TSHZ2: variants seen among roughly 807,000 people sequenced by gnomAD.
TSHZ2 encodes the protein teashirt zinc finger homeobox 2.
TSHZ2 carries 21 observed loss-of-function variants against 74.4 expected under a neutral mutation model. The ratio of observed to expected loss-of-function variants is 0.28; its 90% CI spans 0.20 to 0.41. TSHZ2 has a LOEUF of 0.41. Ranked by LOEUF, TSHZ2 falls within the 10% of genes least tolerant of loss-of-function variation. TSHZ2 has a pLI of 1.00. For missense variants in TSHZ2, 1,244 were observed against 1,293.5 expected, an observed-to-expected ratio of 0.96 and a Z score of 0.59; for synonymous variants, 540 against 515.3, an observed-to-expected ratio of 1.05 and a Z score of -0.65.
At chr20:53,227,412 T>G (rs952578257) in intron 1 of TSHZ2, among the ~76,000 whole-genome samples, 11 of 151,946 alleles carry the variant, frequency 7.2e-5, no homozygotes, top group African/African-American at 2.2e-4. Context: ...TATTTTATGT[T>G]TCTTTTCATA....
At chr20:53,294,636 A>T (rs2145466701) in intron 2 of TSHZ2, among the ~76,000 whole-genome samples, 1 of 152,272 alleles carries the variant, frequency 6.6e-6, no homozygotes, top group East Asian at 1.9e-4. Context: ...AGCTCCTGAT[A>T]CTTAAATAAT....
chr20:53,413,108 T>G (rs1025762388), intron 2 of TSHZ2, among the ~76,000 whole-genome samples: 2 of 152,126 alleles, frequency 1.3e-5, no homozygotes, highest in Non-Finnish European at 2.9e-5. Flanking sequence ...CAGCTGATCA[T>G]GCACGATGTC....
chr20:53,084,540 G>T (rs567503915), intron 1 of TSHZ2, among the ~76,000 whole-genome samples: 4 of 152,252 alleles, frequency 2.6e-5, no homozygotes, highest in South Asian at 2.1e-4. Context: ...GGGAATTTTT[G>T]AGCAAGATTG....
chr20:53,468,273 G>T (rs1985621440), intron 2 of TSHZ2, among the ~76,000 whole-genome samples: 1 of 152,146 alleles, frequency 6.6e-6, no homozygotes, highest in South Asian at 2.1e-4. Context: ...ATCATTAGTT[G>T]TCAGGAGATT....
chr20:53,195,636 C>A (rs2123557596), intron 1 of TSHZ2, among the ~76,000 whole-genome samples: 1 of 152,282 alleles, frequency 6.6e-6, no homozygotes, highest in South Asian at 2.1e-4. Flanking sequence ...GGACAGTGAC[C>A]CTGACGGGTC....
rs767394492 is a variant in TSHZ2, at chr20:53,255,073, A to G, written c.1615A>G (p.Ser539Gly). 1 of 1,614,172 alleles carries G rather than the reference A, an allele frequency of 6.2e-7. No homozygotes were observed. Among genetic ancestry groups the G allele is most frequent in the Admixed American group, 1.7e-5 (1 of 60,030 alleles). Residue 539 changes from serine (S) to glycine (G), a missense_variant, in exon 2 of 3, where the codon AGT becomes GGT. Ser to Gly is a moderately conservative substitution (Grantham distance 56). This residue lies in a region of TSHZ2 where 562 missense variants were observed against 544.0 expected (regional missense o/e 1.03). Coordinates refer to ENST00000371497, the MANE Select transcript of TSHZ2 (RefSeq NM_173485.6). This position sits in a 1 kb window ranked among gnomAD's most constrained non-coding sequence, Gnocchi z 4.1. ...AGCCCAAAACGGGGCCCCCAGCTGGAGTGCCTACCCCAGCATCCACGCAGC... is the reference window on the plus strand; with the variant it reads ...AGCCCAAAACGGGGCCCCCAGCTGGGGTGCCTACCCCAGCATCCACGCAGC... The part of the protein sequence containing the change: ...NKAQNGAPSW[S>G]AYPSIHAAYQ...
intron 2 of TSHZ2, among the ~76,000 whole-genome samples, chr20:53,328,727 A>T (rs1471580219): frequency 1.3e-5 from 2 of 152,236 alleles, no homozygotes; most frequent in Non-Finnish European, 2.9e-5. Flanking sequence ...GGTTAATCAC[A>T]GTAGCCATTC....
intron 1 of TSHZ2, among the ~76,000 whole-genome samples, chr20:53,175,824 C>T (rs978715279): frequency 1.3e-5 from 2 of 152,202 alleles, no homozygotes; most frequent in African/African-American, 4.8e-5. Context: ...TTCCCCCAAC[C>T]TTTGTTGCAT....
chr20:53,323,661 C>G (rs189124796), intron 2 of TSHZ2, among the ~76,000 whole-genome samples: 2 of 143,386 alleles, frequency 1.4e-5, no homozygotes, highest in African/African-American at 5.2e-5. Flanking sequence ...CTGCAACCTC[C>G]GACTCCCAGG....
At chr20:53,181,705 A>G (rs542857627) in intron 1 of TSHZ2, among the ~76,000 whole-genome samples, 1 of 152,264 alleles carries the variant, frequency 6.6e-6, no homozygotes, top group East Asian at 1.9e-4. Context: ...TGGCTAACAC[A>G]GTGAAACCCT....
chr20:53,451,465 G>A (rs1368838145), intron 2 of TSHZ2, among the ~76,000 whole-genome samples: 2 of 152,174 alleles, frequency 1.3e-5, no homozygotes, highest in Non-Finnish European at 2.9e-5. Flanking sequence ...CAACCACACT[G>A]GCTTTCTTTT....
intron 2 of TSHZ2, among the ~76,000 whole-genome samples, chr20:53,339,792 G>A (rs997308689): frequency 3.3e-5 from 5 of 152,090 alleles, no homozygotes; most frequent in African/African-American, 1.2e-4. Flanking sequence ...TGCTCTCCTG[G>A]GCACTGCTGG....
chr20:53,342,934 T>G (rs184013689), intron 2 of TSHZ2, among the ~76,000 whole-genome samples: 17 of 140,684 alleles, frequency 1.2e-4, no homozygotes, highest in Admixed American at 1.4e-4. Context: ...AACCCGTATT[T>G]CTTTTCTTTT....
At chr20:53,252,101 C>T (rs1309676184) in intron 1 of TSHZ2, among the ~76,000 whole-genome samples, 1 of 152,186 alleles carries the variant, frequency 6.6e-6, no homozygotes, top group African/African-American at 2.4e-5. Flanking sequence ...TAGCTTACTT[C>T]CTAGGAGACA....
At chr20:53,164,376 T>C (rs975604818) in intron 1 of TSHZ2, among the ~76,000 whole-genome samples, 2 of 152,130 alleles carry the variant, frequency 1.3e-5, no homozygotes, top group African/African-American at 2.4e-5. Flanking sequence ...AAATATTTCA[T>C]AGTTTACAAC....
intron 2 of TSHZ2, among the ~76,000 whole-genome samples, chr20:53,272,915 A>G (rs1039577283): frequency 6.6e-6 from 1 of 152,204 alleles, no homozygotes; most frequent in Admixed American, 6.5e-5. Context: ...ACAATTTCTG[A>G]GAATGAGGGG....
At chr20:53,317,240 A>G (rs1257422396) in intron 2 of TSHZ2, among the ~76,000 whole-genome samples, 8 of 152,216 alleles carry the variant, frequency 5.3e-5, no homozygotes, top group Admixed American at 4.6e-4. Context: ...GTCTTGGGCA[A>G]AATATGCTGG....
chr20:53,076,487 C>A (rs1345457401), intron 1 of TSHZ2, among the ~76,000 whole-genome samples: 1 of 152,178 alleles, frequency 6.6e-6, no homozygotes, highest in African/African-American at 2.4e-5. Flanking sequence ...AAACCAGTAT[C>A]AGACTGCACG....
intron 1 of TSHZ2, among the ~76,000 whole-genome samples, chr20:53,154,623 C>T (rs946630111): frequency 6.6e-6 from 1 of 152,224 alleles, no homozygotes; most frequent in Middle Eastern, 3.4e-3. Flanking sequence ...CCTCATTGAC[C>T]ACTCCTGTCT....
Sources: allele counts gnomAD v4.1 joint callset (sites outside exome capture counted in the v4.1 genomes callset), GRCh38; gene constraint gnomAD v4.1.1; regional missense constraint gnomAD v4.1.1; non-coding constraint Gnocchi (gnomAD v3.1); transcripts MANE v1.5; gene names NCBI Gene and HGNC (gene_info 2026-07-23, HGNC 2026-07-21).